Variants in MAP7D3 observed in about 807,000 individuals in gnomAD.
MAP7D3 encodes the protein MAP7 domain containing 3, also known as MAP7 domain-containing protein 3.
Under a neutral mutation model 62.2 loss-of-function variants are expected in MAP7D3, and 45 were observed. The ratio of observed to expected loss-of-function variants is 0.72; its 90% CI spans 0.57 to 0.93. MAP7D3 has a LOEUF of 0.93. MAP7D3 is among the 40% of genes least tolerant of loss of function. The pLI, the probability that MAP7D3 is intolerant of heterozygous loss-of-function variation, is 0.00. For missense variants in MAP7D3, 711 were observed against 683.1 expected (o/e 1.04, Z -0.45); for synonymous variants, 288 against 248.8 (o/e 1.16, Z -1.48).
chrX:136,240,208 CAAAA>C (rs34003803), intron 6 of MAP7D3, among the ~76,000 whole-genome samples, 170 bp downstream of exon 6: 2 of 67,416 alleles, frequency 3.0e-5, no homozygotes, highest in Non-Finnish European at 2.8e-5. Context: ...GACTCTGTCT[CAAAA>C]AAAAAAAAAA....
chrX:136,235,272 G>A (rs2074316418), intron 7 of MAP7D3, among the ~76,000 whole-genome samples: 1 of 112,285 alleles, frequency 8.9e-6, no homozygotes, highest in Non-Finnish European at 1.9e-5. Flanking sequence ...AAATTTTGTT[G>A]TAAATATCTT....
At chrX:136,231,389 C>A (rs202048201) in intron 8 of MAP7D3, among the ~76,000 whole-genome samples, 155 bp downstream of exon 8, 2 of 111,844 alleles carry the variant, frequency 1.8e-5, no homozygotes, top group East Asian at 5.5e-4. Flanking sequence ...ATTTTAAATT[C>A]CTAGTTTAAG....
At chrX:136,243,325 T>C (rs1019571688) in intron 4 of MAP7D3, among the ~76,000 whole-genome samples, 2 of 110,541 alleles carry the variant, frequency 1.8e-5, no homozygotes, top group Admixed American at 1.9e-4. Flanking sequence ...AAAGACAGAA[T>C]AAAGAAAATC....
rs373894976 is a variant in MAP7D3 at position 136,231,677 on chromosome X, T to C, written c.1280A>G (p.Lys427Arg). 5.8e-6 allele frequency: 7 copies of C among 1,209,143 alleles called. No individual in the cohort carries two copies. In the African/African-American group the frequency reaches 1.2e-4, roughly 21 times the overall value. Residue 427 changes from lysine (K) to arginine (R), a missense_variant, in exon 8 of 19, where the codon AAG becomes AGG. Lys to Arg is a conservative substitution (Grantham distance 26). Coordinates refer to ENST00000316077, the MANE Select transcript of MAP7D3 (RefSeq NM_024597.4). ...CTTGGGTGACCCTTTCACACTCTCC[T>C]TGGGGGCTACTTCTGCGCTCCCCTT... ...PPKGSAEVAP[K>R]ESVKGSPKES... is the part of the protein sequence containing the mutation.
At chrX:136,241,373 T>C in intron 4 of MAP7D3, 96 bp from the exon 5 acceptor site, 1 of 491,434 alleles carries the variant, frequency 2.0e-6, no homozygotes, top group Non-Finnish European at 3.3e-6. Context: ...CAAATTTCTG[T>C]CTCAGGTAAA....
intron 1 of MAP7D3, among the ~76,000 whole-genome samples, chrX:136,249,366 G>A (rs1447846757): frequency 1.8e-5 from 2 of 112,576 alleles, no homozygotes; most frequent in East Asian, 5.5e-4. Flanking sequence ...AGGGAAAGGT[G>A]ATACGTCAGT....
At chrX:136,222,905 G>C (rs1001692061) in intron 14 of MAP7D3, among the ~76,000 whole-genome samples, 2 of 107,887 alleles carry the variant, frequency 1.9e-5, no homozygotes, top group Admixed American at 9.9e-5. Flanking sequence ...GCAGTGGCAC[G>C]ATCATAGCTC....
At chrX:136,227,224 G>A in intron 12 of MAP7D3, 60 bp downstream of exon 12, 1 of 1,083,892 alleles carries the variant, frequency 9.2e-7, no homozygotes, top group Non-Finnish European at 1.3e-6. Context: ...TTTGCTCTGG[G>A]TTCCATCTGA....
chrX:136,224,709 G>T, intron 14 of MAP7D3, 118 bp downstream of exon 14: 1 of 454,169 alleles, frequency 2.2e-6, no homozygotes, highest in East Asian at 4.0e-5. Context: ...TGATAATCAG[G>T]GAAATGCAAA....
At position 136,227,419 on chromosome X, in the gene MAP7D3, T is replaced by C; in HGVS notation, c.1899A>G (p.Lys633=). 1 of 1,191,122 alleles carries C rather than the reference T, an allele frequency of 8.4e-7. No homozygotes were observed. The highest frequency in any genetic ancestry group is 1.1e-6 in the Non-Finnish European group (1 of 879,159). The change falls in exon 12 of 19, where the codon AAA becomes AAG. Residue 633 remains lysine, a synonymous_variant. Coordinates refer to ENST00000316077, the MANE Select transcript of MAP7D3 (RefSeq NM_024597.4). The part of the protein sequence containing the change: ...REEMQQRVIK[K]SKDMAKEAVG... ...CTGCTTCCTTTGCCATGTCTTTTGA[T>C]TTCTTAATGACCCTGAGAGTATTTA...
intron 6 of MAP7D3, among the ~76,000 whole-genome samples, chrX:136,237,222 T>G (rs1458772461): frequency 8.9e-6 from 1 of 112,068 alleles, no homozygotes; most frequent in East Asian, 2.8e-4. Context: ...CATCGGAAAA[T>G]TCCTTGAATT....
rs1182183970 is a variant in MAP7D3, at chrX:136,222,343, G to A, written c.2287+50C>T. Reference sequence around the variant, plus strand: ...AAAGCCACACAGCTCAAAAGCAGAGGAGCCCCTGGATATGAACCTAAGCAG... The same window carrying A: ...AAAGCCACACAGCTCAAAAGCAGAGAAGCCCCTGGATATGAACCTAAGCAG... On this transcript the variant is annotated intron_variant, in intron 15 of 18. Coordinates refer to ENST00000316077, the MANE Select transcript of MAP7D3 (RefSeq NM_024597.4). The A allele has an allele frequency of 1.5e-5, 15 of 972,709 alleles. No individual in the cohort carries two copies. In the Admixed American group the frequency reaches 2.0e-4, roughly 13 times the overall value. 80.2% of individuals were successfully genotyped at this position (972,709 alleles called of 1,213,427 possible). A position where few individuals can be genotyped will look rare whatever the true frequency, so the allele number is the denominator to read the frequency against.
Position 136,230,549 on chromosome X carries a change from A to G in MAP7D3, c.1586T>C (p.Ile529Thr), listed in dbSNP as rs199975497. 176 of 1,201,421 alleles carry G rather than the reference A, an allele frequency of 1.5e-4. No homozygotes were observed. The highest frequency in any genetic ancestry group is 2.3e-4 in the Middle Eastern group (1 of 4,360). The stretch of plus-strand genomic sequence containing the variant: ...AGAAGTCTGTGGTGACTGTTTTGAA[A>G]TAAGTGGTAATGGTGATGGAGGGCA... ...KNCPPSPLPLISKQSPQTSFP... is the reference protein window; with the variant it reads ...KNCPPSPLPLTSKQSPQTSFP... The change falls in exon 10 of 19, where the codon ATT becomes ACT. Residue 529 changes from isoleucine (I) to threonine (T), a missense_variant. Transcript: ENST00000316077.
chrX:136,233,463 G>A (rs111874178), intron 7 of MAP7D3, among the ~76,000 whole-genome samples: 48 of 106,529 alleles, frequency 4.5e-4, no homozygotes, highest in Admixed American at 1.5e-3. Context: ...TAGTAGAGAC[G>A]GGGTTTCACC....
rs189616930 is a variant in MAP7D3 at position 136,223,404 on chromosome X, C to T, written c.2194-918G>A. On this transcript the variant is annotated intron_variant, in intron 14 of 18. Coordinates refer to ENST00000316077, the MANE Select transcript of MAP7D3 (RefSeq NM_024597.4). Reference sequence around the variant, plus strand: ...TTGGGGTAAGCAAATAATGATGAAACAGACCACAAAGACACTCACCATAAG... The same window carrying T: ...TTGGGGTAAGCAAATAATGATGAAATAGACCACAAAGACACTCACCATAAG... 2.4e-4 allele frequency among the ~76,000 whole-genome samples: 27 copies of T among 110,511 alleles called. No individual in the cohort carries two copies. In the East Asian group the frequency reaches 7.4e-3, roughly 30 times the overall value.
At chrX:136,216,715 T>C (rs1486234031), downstream of MAP7D3, 2 of 112,308 alleles carry the variant, frequency 1.8e-5, no homozygotes, top group African/African-American at 3.2e-5. Flanking sequence ...GTTCATTCAA[T>C]TTGCTGGCTG....
intron 3 of MAP7D3, 36 bp from the exon 4 acceptor site, chrX:136,244,831 G>C: frequency 9.3e-7 from 1 of 1,075,757 alleles, no homozygotes; most frequent in Non-Finnish European, 1.3e-6. Context: ...AGGTGTAAGA[G>C]CCAAGAAAAT....
intron 12 of MAP7D3, among the ~76,000 whole-genome samples, chrX:136,226,755 T>C (rs1379937109): frequency 1.8e-5 from 2 of 112,030 alleles, no homozygotes; most frequent in Admixed American, 1.9e-4. Context: ...CTTATTTCAC[T>C]AGGAAAACAT....
chrX:136,251,502 C>G (rs982347792), upstream of MAP7D3: 1 of 840,995 alleles, frequency 1.2e-6, no homozygotes, highest in South Asian at 6.4e-5. Context: ...CCACCGCGCC[C>G]GCCTCGGACC....
Sources: allele counts gnomAD v4.1 joint callset (sites outside exome capture counted in the v4.1 genomes callset), GRCh38; gene constraint gnomAD v4.1.1; transcripts MANE v1.5; gene names NCBI Gene and HGNC (gene_info 2026-07-23, HGNC 2026-07-21).